ECT2L: variants seen among roughly 807,000 people sequenced by gnomAD.
ECT2L encodes the protein epithelial cell-transforming sequence 2 oncogene-like.
ECT2L carries 126 observed loss-of-function variants against 122.8 expected under a neutral mutation model. That is an observed-to-expected ratio of 1.03 (90% CI 0.89 to 1.19). The LOEUF (loss-of-function observed/expected upper bound fraction) is 1.19. Among genes scored for constraint, ECT2L ranks in the 50% most tolerant of loss-of-function variants. ECT2L has a pLI of 0.00. For synonymous variants in ECT2L, 385 were observed against 381.8 expected, an observed-to-expected ratio of 1.01 and a Z score of -0.10; for missense variants, 1,012 against 1,064.1, an observed-to-expected ratio of 0.95 and a Z score of 0.68.
At chr6:138,798,496 A>G (rs1775420761) in intron 1 of ECT2L, among the ~76,000 whole-genome samples, 1 of 152,196 alleles carries the variant, frequency 6.6e-6, no homozygotes, top group Non-Finnish European at 1.5e-5. Flanking sequence ...ATCCCTATCT[A>G]CAAGAGTTTT....
chr6:138,891,204 A>C (rs971595104), intron 20 of ECT2L, among the ~76,000 whole-genome samples: 1 of 152,234 alleles, frequency 6.6e-6, no homozygotes, highest in Non-Finnish European at 1.5e-5. Context: ...TTCTAACCCA[A>C]CTCTAGTATA....
At chr6:138,877,527 T>C (rs1043257471) in intron 14 of ECT2L, among the ~76,000 whole-genome samples, 1 of 152,126 alleles carries the variant, frequency 6.6e-6, no homozygotes, top group Non-Finnish European at 1.5e-5. Context: ...GAAATACACA[T>C]ATAATATTAA....
chr6:138,856,792 CT>C (rs1398035805), intron 10 of ECT2L, among the ~76,000 whole-genome samples: 2 of 152,162 alleles, frequency 1.3e-5, no homozygotes, highest in Non-Finnish European at 2.9e-5. Flanking sequence ...TCTAACTTTA[CT>C]TTGGTGACAT....
intron 16 of ECT2L, 110 bp from the exon 17 acceptor site, chr6:138,885,396 T>C (rs931143289): frequency 2.0e-6 from 2 of 995,622 alleles, no homozygotes; most frequent in South Asian, 1.5e-5. Context: ...TGGTTAGACA[T>C]AGATGTTGCC....
At chr6:138,849,518 T>G in intron 9 of ECT2L, 84 bp downstream of exon 9, 2 of 1,373,568 alleles carry the variant, frequency 1.5e-6, no homozygotes. Flanking sequence ...GAGGACTATC[T>G]CAGTTCCAAG....
At chr6:138,829,925 T>C (rs541150373) in intron 4 of ECT2L, among the ~76,000 whole-genome samples, 102 of 152,246 alleles carry the variant, frequency 6.7e-4, no homozygotes, top group Non-Finnish European at 1.4e-3. Context: ...GGTTTCACCA[T>C]GTTAGCCAGG....
intron 20 of ECT2L, among the ~76,000 whole-genome samples, chr6:138,898,034 A>G (rs1779274489): frequency 6.6e-6 from 1 of 150,828 alleles, no homozygotes; most frequent in Non-Finnish European, 1.5e-5. Context: ...TGATAGGAGA[A>G]ATAATTGTTC....
At chr6:138,810,469 G>A (rs1775856169) in intron 1 of ECT2L, among the ~76,000 whole-genome samples, 1 of 152,194 alleles carries the variant, frequency 6.6e-6, no homozygotes. Flanking sequence ...CAAAATATCT[G>A]CAGTTAACTT....
chr6:138,873,215 C>T (rs1284424708), intron 13 of ECT2L, among the ~76,000 whole-genome samples: 1 of 144,494 alleles, frequency 6.9e-6, no homozygotes, highest in African/African-American at 2.5e-5. Flanking sequence ...CTCCTTAATG[C>T]CTGGAAATTT....
chr6:138,838,667 A>G (rs1776931260), intron 5 of ECT2L, among the ~76,000 whole-genome samples, 153 bp downstream of exon 5: 1 of 152,242 alleles, frequency 6.6e-6, no homozygotes, highest in Admixed American at 6.5e-5. Flanking sequence ...GGAAAAGTGA[A>G]ATACAATAAT....
At chr6:138,813,436 A>T in intron 3 of ECT2L, 96 bp downstream of exon 3, 1 of 912,522 alleles carries the variant, frequency 1.1e-6, no homozygotes, top group South Asian at 1.9e-5. Context: ...TTAAAGAAAA[A>T]CTCTCTAAAG....
intron 20 of ECT2L, among the ~76,000 whole-genome samples, chr6:138,893,247 T>C (rs1779099228): frequency 6.7e-6 from 1 of 149,852 alleles, no homozygotes; most frequent in Admixed American, 6.7e-5. Flanking sequence ...GTGGCTGGAG[T>C]TGGGTATTTC....
chr6:138,875,942 G>A (rs1029165084), intron 13 of ECT2L, among the ~76,000 whole-genome samples: 37 of 152,078 alleles, frequency 2.4e-4, no homozygotes, highest in African/African-American at 8.7e-4. Flanking sequence ...CCAACATGGT[G>A]AAACCCCATC....
intron 19 of ECT2L, 45 bp downstream of exon 19, chr6:138,886,967 A>C (rs1281615890): frequency 1.3e-6 from 2 of 1,521,142 alleles, no homozygotes; most frequent in Non-Finnish European, 1.8e-6. Flanking sequence ...TCATGAATAC[A>C]ACCTCCAGTC....
rs980655000 is a variant in ECT2L at position 138,844,340 on chromosome 6, C to T, written c.596-72C>T. ...CCCTGGTACAGCTTTATTTTTGATG[C>T]CTTTATCTGTGTGGACTTGGCTGGG... On this transcript the variant is annotated intron_variant, in intron 6 of 21. Transcript: ENST00000541398. 5.2e-6 allele frequency: 8 copies of T among 1,528,898 alleles called. No homozygotes were observed. In the South Asian group the frequency reaches 9.7e-5, roughly 19 times the overall value. The allele number at this position is 1,528,898 out of a possible 1,614,324, so 94.7% of individuals were successfully genotyped here. A position where few individuals can be genotyped will look rare whatever the true frequency, so the allele number is the denominator to read the frequency against.
chr6:138,888,912 T>C, intron 19 of ECT2L, 31 bp from the exon 20 acceptor site: 1 of 1,228,528 alleles, frequency 8.1e-7, no homozygotes, highest in Admixed American at 2.7e-5. Context: ...AAAATTTATA[T>C]GTACTTCTAA....
chr6:138,836,316 G>A (rs1388174992), intron 4 of ECT2L, among the ~76,000 whole-genome samples: 3 of 133,168 alleles, frequency 2.3e-5, no homozygotes, highest in Non-Finnish European at 4.7e-5. Flanking sequence ...TTGAGATGGA[G>A]TTTTGCTCGT....
At position 138,824,541 on chromosome 6, in the gene ECT2L, T is replaced by A. The variant is rs1053796995; in HGVS notation, c.179+9938T>A. Among the ~76,000 whole-genome samples the A allele has an allele frequency of 9.6e-3, 1,162 of 120,948 alleles. 12 individuals carry two copies. Among genetic ancestry groups the A allele is most frequent in the African/African-American group, 0.028 (954 of 33,522 alleles). 79.3% of individuals were successfully genotyped at this position (120,948 alleles called of 152,430 possible). On this transcript the variant is annotated intron_variant, in intron 4 of 21. Transcript: ENST00000541398. ...AAATCCACCTCCTCCAAAAAAGCAATAAAAAAAAAAAAACTATAAAAAAAA... is the reference window on the plus strand; with the variant it reads ...AAATCCACCTCCTCCAAAAAAGCAAAAAAAAAAAAAAAACTATAAAAAAAA...
intron 1 of ECT2L, among the ~76,000 whole-genome samples, chr6:138,807,618 A>G (rs74352157): frequency 1.4e-3 from 209 of 152,326 alleles, no homozygotes; most frequent in African/African-American, 4.8e-3. Context: ...GCAATAATCT[A>G]CTTCCAGATA....
Sources: allele counts gnomAD v4.1 joint callset (sites outside exome capture counted in the v4.1 genomes callset), GRCh38; gene constraint gnomAD v4.1.1; transcripts MANE v1.5; gene names NCBI Gene and HGNC (gene_info 2026-07-23, HGNC 2026-07-21).